Variants in CNTNAP2 observed in about 807,000 individuals in gnomAD.
CNTNAP2 encodes contactin associated protein 2.
Under a neutral mutation model 155.2 loss-of-function variants are expected in CNTNAP2, and 98 were observed. That is an observed-to-expected ratio of 0.63 (90% CI 0.54 to 0.75). The LOEUF (loss-of-function observed/expected upper bound fraction) is 0.75, where lower values mean the gene tolerates loss of function less well. Ranked by LOEUF, CNTNAP2 falls within the 30% of genes least tolerant of loss-of-function variation. The probability of loss-of-function intolerance (pLI) is 0.00; values close to 1 mark genes in which losing one functional copy is unlikely to be tolerated. For missense variants in CNTNAP2, 1,727 were observed against 1,688.1 expected (o/e 1.02, Z -0.40); for synonymous variants, 651 against 631.2 (o/e 1.03, Z -0.47).
intron 14 of CNTNAP2, among the ~76,000 whole-genome samples, chr7:147,955,935 T>C (rs1801010807): frequency 6.6e-6 from 1 of 152,180 alleles, no homozygotes; most frequent in South Asian, 2.1e-4. Context: ...AACCACAGTT[T>C]AACAGAGGTG....
At chr7:148,221,669 C>T (rs544047349) in intron 19 of CNTNAP2, among the ~76,000 whole-genome samples, 1 of 152,194 alleles carries the variant, frequency 6.6e-6, no homozygotes, top group Non-Finnish European at 1.5e-5. Flanking sequence ...TAGAAAGTCT[C>T]CACTAAACAC....
At chr7:147,583,624 C>T (rs10227024) in intron 12 of CNTNAP2, among the ~76,000 whole-genome samples, 103,663 of 150,168 alleles carry the variant, frequency 0.69, 36,341 homozygotes, top group African/African-American at 0.81. Flanking sequence ...GATCCATGTA[C>T]CAATTTTAAA....
intron 10 of CNTNAP2, among the ~76,000 whole-genome samples, chr7:147,424,600 G>A (rs1797348997): frequency 6.6e-6 from 1 of 151,986 alleles, no homozygotes; most frequent in African/African-American, 2.4e-5. Flanking sequence ...CTACTCCCTA[G>A]GAGATCTCAT....
chr7:147,138,852 A>T (rs1010211826), intron 8 of CNTNAP2, among the ~76,000 whole-genome samples: 1 of 152,076 alleles, frequency 6.6e-6, no homozygotes, highest in Non-Finnish European at 1.5e-5. Flanking sequence ...ATAATTTTTT[A>T]AAATTCCAAA....
At chr7:148,301,649 G>A (rs1273178095) in intron 21 of CNTNAP2, among the ~76,000 whole-genome samples, 1 of 152,198 alleles carries the variant, frequency 6.6e-6, no homozygotes, top group East Asian at 1.9e-4. Flanking sequence ...GCAGAAATCT[G>A]GAGGACAGCT....
At chr7:146,945,593 C>T (rs1437541887) in intron 3 of CNTNAP2, among the ~76,000 whole-genome samples, 2 of 152,028 alleles carry the variant, frequency 1.3e-5, no homozygotes, top group East Asian at 1.9e-4. Context: ...CAGGCTTGGT[C>T]GGCGAATCAC....
chr7:147,582,257 G>A (rs529136112), intron 12 of CNTNAP2, among the ~76,000 whole-genome samples: 2 of 152,234 alleles, frequency 1.3e-5, no homozygotes, highest in African/African-American at 4.8e-5. Flanking sequence ...ATTACATTAA[G>A]TTGGTTATCG....
intron 1 of CNTNAP2, among the ~76,000 whole-genome samples, chr7:146,245,274 T>A (rs951077772): frequency 6.6e-6 from 1 of 151,988 alleles, no homozygotes; most frequent in Non-Finnish European, 1.5e-5. Context: ...CAGATTGAAG[T>A]CCGGGCCAGG....
chr7:146,516,213 G>A (rs989421971), intron 1 of CNTNAP2, among the ~76,000 whole-genome samples: 1 of 149,672 alleles, frequency 6.7e-6, no homozygotes, highest in Non-Finnish European at 1.5e-5. Context: ...ATGTGCAATG[G>A]TCAATATGGT....
chr7:146,983,909 A>C (rs1017133970), intron 3 of CNTNAP2, among the ~76,000 whole-genome samples: 1 of 152,224 alleles, frequency 6.6e-6, no homozygotes, highest in African/African-American at 2.4e-5. Flanking sequence ...CCCATGGTGA[A>C]AAAGACCTAC....
At chr7:147,153,310 A>T (rs1801862094) in intron 8 of CNTNAP2, among the ~76,000 whole-genome samples, 1 of 152,172 alleles carries the variant, frequency 6.6e-6, no homozygotes, top group Non-Finnish European at 1.5e-5. Flanking sequence ...CATAGCTTAT[A>T]ATTGTTATAT....
intron 1 of CNTNAP2, among the ~76,000 whole-genome samples, chr7:146,331,814 G>A (rs542421907): frequency 6.4e-4 from 97 of 152,296 alleles, no homozygotes; most frequent in African/African-American, 1.9e-3. Context: ...TGGTCACACA[G>A]ATAATGCAGA....
intron 1 of CNTNAP2, among the ~76,000 whole-genome samples, chr7:146,359,851 A>G (rs527861956): frequency 5.3e-5 from 8 of 152,266 alleles, no homozygotes; most frequent in Non-Finnish European, 1.0e-4. Flanking sequence ...TGCAGCAGCA[A>G]TAGAAGTTGT....
chr7:146,432,886 G>C (rs537471604), intron 1 of CNTNAP2, among the ~76,000 whole-genome samples: 56 of 152,254 alleles, frequency 3.7e-4, no homozygotes, highest in African/African-American at 1.3e-3. Flanking sequence ...GCACTAATGA[G>C]TTGTAAGTGC....
At chr7:146,312,171 T>G (rs1383773305) in intron 1 of CNTNAP2, among the ~76,000 whole-genome samples, 1 of 152,182 alleles carries the variant, frequency 6.6e-6, no homozygotes, top group Non-Finnish European at 1.5e-5. Context: ...ACACCATTAT[T>G]TTTTAACCTC....
intron 11 of CNTNAP2, among the ~76,000 whole-genome samples, chr7:147,523,663 G>A (rs1167754826): frequency 6.6e-6 from 1 of 152,138 alleles, no homozygotes; most frequent in Non-Finnish European, 1.5e-5. Context: ...CTGTATCAGG[G>A]CATCCTGAAC....
chr7:147,479,044 T>A (rs1483229324), intron 10 of CNTNAP2, among the ~76,000 whole-genome samples: 1 of 152,220 alleles, frequency 6.6e-6, no homozygotes, highest in Non-Finnish European at 1.5e-5. Context: ...AACTGTCTGC[T>A]GTGATCCTCA....
chr7:146,271,776 CTTAAA>C (rs1800086292), intron 1 of CNTNAP2, among the ~76,000 whole-genome samples: 1 of 152,018 alleles, frequency 6.6e-6, no homozygotes, highest in Non-Finnish European at 1.5e-5. Flanking sequence ...TTGATATTTT[CTTAAA>C]TTAAAAACCA....
At chr7:147,733,424 C>G (rs535096157) in intron 13 of CNTNAP2, among the ~76,000 whole-genome samples, 19 of 152,232 alleles carry the variant, frequency 1.2e-4, no homozygotes, top group Admixed American at 3.3e-4. Flanking sequence ...TTACTGTAGC[C>G]TTGTAGTATA....
Sources: gnomAD v4.1 joint callset for allele counts (sites outside exome capture counted in the v4.1 genomes callset) on GRCh38, gnomAD v4.1.1 for gene constraint, MANE v1.5 for transcripts, NCBI Gene and HGNC (gene_info 2026-07-23, HGNC 2026-07-21) for gene names.